Variants in POU6F2 observed in about 807,000 individuals in gnomAD.
POU6F2 encodes POU domain, class 6, transcription factor 2.
Under a neutral mutation model 71.3 loss-of-function variants are expected in POU6F2, and 31 were observed. The observed-to-expected ratio is 0.43, with a 90% CI of 0.33 to 0.59. POU6F2 has a LOEUF of 0.59. POU6F2 is among the 20% of genes least tolerant of loss of function. The pLI, the probability that POU6F2 is intolerant of heterozygous loss-of-function variation, is 0.04. For synonymous variants in POU6F2, 347 were observed against 355.7 expected, an observed-to-expected ratio of 0.98 and a Z score of 0.27; for missense variants, 783 against 856.8, an observed-to-expected ratio of 0.91 and a Z score of 1.07.
chr7:39,179,532 C>T (rs538929468), intron 2 of POU6F2, among the ~76,000 whole-genome samples: 2 of 151,790 alleles, frequency 1.3e-5, no homozygotes, highest in South Asian at 2.1e-4. Flanking sequence ...CGCACATGCG[C>T]GCACACACAC....
At chr7:39,420,211 T>C (rs1299912837) in intron 6 of POU6F2, among the ~76,000 whole-genome samples, 1 of 152,250 alleles carries the variant, frequency 6.6e-6, no homozygotes, top group East Asian at 1.9e-4. Context: ...GCCTTCTTTA[T>C]ATGAGGATCT....
intron 1 of POU6F2, among the ~76,000 whole-genome samples, chr7:39,047,393 C>T (rs1790313070): frequency 1.3e-5 from 2 of 151,834 alleles, no homozygotes; most frequent in South Asian, 2.1e-4. Flanking sequence ...ATTTCTTTCA[C>T]TCAGCACTTG....
At chr7:39,097,778 T>C (rs1007385281) in intron 2 of POU6F2, among the ~76,000 whole-genome samples, 1 of 152,182 alleles carries the variant, frequency 6.6e-6, no homozygotes, top group African/African-American at 2.4e-5. Context: ...ATACTGAAGA[T>C]GCAAAACTGA....
intron 4 of POU6F2, among the ~76,000 whole-genome samples, chr7:39,217,591 C>T (rs1049392282): frequency 2.0e-5 from 3 of 152,166 alleles, no homozygotes; most frequent in African/African-American, 7.2e-5. Flanking sequence ...TGCAATGATA[C>T]GTGGCTTGCT....
chr7:39,321,930 G>A (rs1330549163), intron 4 of POU6F2, among the ~76,000 whole-genome samples: 2 of 151,202 alleles, frequency 1.3e-5, no homozygotes, highest in South Asian at 2.1e-4. Context: ...GAGAGAGAGA[G>A]AAAATGGGAG....
At chr7:39,107,950 G>A (rs1188617495) in intron 2 of POU6F2, among the ~76,000 whole-genome samples, 1 of 152,192 alleles carries the variant, frequency 6.6e-6, no homozygotes, top group Admixed American at 6.5e-5. Context: ...AGCAAGAAAA[G>A]CCTTTGATAG....
At chr7:39,427,341 C>G (rs1420769584) in intron 6 of POU6F2, among the ~76,000 whole-genome samples, 2 of 152,196 alleles carry the variant, frequency 1.3e-5, no homozygotes, top group Non-Finnish European at 2.9e-5. Flanking sequence ...GGCCTTAAAT[C>G]CAGCCAGTGG....
chr7:39,272,471 A>G (rs1383180933), intron 4 of POU6F2, among the ~76,000 whole-genome samples: 2 of 152,204 alleles, frequency 1.3e-5, no homozygotes, highest in Middle Eastern at 6.3e-3. Context: ...GCTTTCAGGG[A>G]CAGAGCTGTA....
chr7:39,005,782 C>A (rs548406756), intron 1 of POU6F2, among the ~76,000 whole-genome samples: 5 of 151,948 alleles, frequency 3.3e-5, no homozygotes, highest in African/African-American at 1.2e-4. Flanking sequence ...ATAATAATGC[C>A]AAGAGTTGCT....
chr7:38,992,754 T>G (rs1353166834), intron 1 of POU6F2, among the ~76,000 whole-genome samples: 2 of 152,220 alleles, frequency 1.3e-5, no homozygotes, highest in Non-Finnish European at 2.9e-5. Context: ...CTTTAAAACA[T>G]AGTCTCTGAA....
chr7:39,083,010 G>A (rs1344737753), intron 1 of POU6F2, among the ~76,000 whole-genome samples: 1 of 152,148 alleles, frequency 6.6e-6, no homozygotes, highest in Non-Finnish European at 1.5e-5. Context: ...ATTTAAGGAA[G>A]AAGAGCTAAT....
intron 2 of POU6F2, among the ~76,000 whole-genome samples, chr7:39,087,157 TTA>T (rs1202136976): frequency 0.046 from 5,003 of 109,384 alleles, 210 homozygotes; most frequent in African/African-American, 0.15. Flanking sequence ...AATTAATTAA[TTA>T]ATTTATTTAT....
chr7:39,229,410 C>A (rs1198530670), intron 4 of POU6F2, among the ~76,000 whole-genome samples: 1 of 152,222 alleles, frequency 6.6e-6, no homozygotes, highest in African/African-American at 2.4e-5. Context: ...CTGGGCCATT[C>A]TGCCTTCTCT....
At chr7:39,430,499 G>A (rs1349218388) in intron 6 of POU6F2, among the ~76,000 whole-genome samples, 1 of 152,224 alleles carries the variant, frequency 6.6e-6, no homozygotes, top group Non-Finnish European at 1.5e-5. Context: ...TTTTAGTAAT[G>A]TGCTGGCACA....
At chr7:39,343,543 T>G (rs1203146123) in intron 5 of POU6F2, among the ~76,000 whole-genome samples, 2 of 151,732 alleles carry the variant, frequency 1.3e-5, no homozygotes, top group South Asian at 4.2e-4. Context: ...TCCTTGGGAG[T>G]TTTTATTTGC....
intron 1 of POU6F2, among the ~76,000 whole-genome samples, chr7:39,026,075 G>A (rs998541748): frequency 7.2e-5 from 11 of 152,130 alleles, no homozygotes; most frequent in Non-Finnish European, 1.3e-4. Flanking sequence ...AGTTAGAATG[G>A]CAATCATTAA....
chr7:39,317,980 T>C (rs1427982852), intron 4 of POU6F2, among the ~76,000 whole-genome samples: 1 of 152,210 alleles, frequency 6.6e-6, no homozygotes, highest in Admixed American at 6.5e-5. Context: ...CCCTTCATTT[T>C]CCCTTTCTTC....
intron 2 of POU6F2, among the ~76,000 whole-genome samples, chr7:39,152,806 A>G (rs1035707632): frequency 6.6e-6 from 1 of 152,170 alleles, no homozygotes; most frequent in Non-Finnish European, 1.5e-5. Flanking sequence ...AATCCAAATC[A>G]TTTTCTAGTT....
At chr7:39,084,310 G>A (rs1791190338) in intron 1 of POU6F2, among the ~76,000 whole-genome samples, 1 of 152,064 alleles carries the variant, frequency 6.6e-6, no homozygotes, top group Admixed American at 6.5e-5. Flanking sequence ...TTCCCTCAGA[G>A]GTTTGAAACA....
Sources: allele counts gnomAD v4.1 joint callset (sites outside exome capture counted in the v4.1 genomes callset), GRCh38; gene constraint gnomAD v4.1.1; transcripts MANE v1.5; gene names NCBI Gene and HGNC (gene_info 2026-07-23, HGNC 2026-07-21).